The following C1orf141 variants were observed in gnomAD, a reference collection of about 807,000 sequenced individuals.
C1orf141 encodes the protein chromosome 1 open reading frame 141.
A neutral mutation model predicts 23.2 loss-of-function variants in C1orf141; 19 were observed. The ratio of observed to expected loss-of-function variants is 0.82; its 90% CI spans 0.57 to 1.20. C1orf141 has a LOEUF of 1.20. C1orf141 is among the 50% of genes most tolerant of loss of function. The pLI, the probability that C1orf141 is intolerant of heterozygous loss-of-function variation, is 0.00. For missense variants in C1orf141, 469 were observed against 455.1 expected (o/e 1.03, Z -0.28); for synonymous variants, 153 against 154.6 (o/e 0.99, Z 0.08).
At position 67,125,852 on chromosome 1, in the gene C1orf141, C is replaced by T; in HGVS notation, c.133G>A (p.Asp45Asn). The T allele has an allele frequency of 6.3e-7, 1 of 1,593,620 alleles. No homozygotes were observed. Among genetic ancestry groups the T allele is most frequent in the Non-Finnish European group, 8.5e-7 (1 of 1,170,118 alleles). ...GCTTCTTCAAATTCCAACTGAAAAT[C>T]AAATGTCAGGGGTATAGCCATAGTT... ...KTTMAIPLTF[D>N]FQLEFEEALA... The change falls in exon 4 of 8, where the codon GAT (aspartate) becomes AAT (asparagine). Residue 45 changes from aspartate (D) to asparagine (N), a missense_variant. This residue lies in a region of C1orf141 where 95 missense variants were observed against 90.3 expected (regional missense o/e 1.05). Transcript: ENST00000684719.
intron 1 of C1orf141, among the ~76,000 whole-genome samples, chr1:67,140,140 C>T (rs1203231357): frequency 6.6e-6 from 1 of 152,080 alleles, no homozygotes; most frequent in Admixed American, 6.6e-5. Context: ...TTATAAATTC[C>T]CCATTTTCAG....
chr1:67,123,178 G>T (rs11806634), intron 4 of C1orf141: 2 of 149,412 alleles, frequency 1.3e-5, no homozygotes, highest in Non-Finnish European at 3.0e-5. Flanking sequence ...ACTCCAGCCT[G>T]GGCGACAACA....
At chr1:67,134,369 G>A (rs1244979921) in intron 1 of C1orf141, among the ~76,000 whole-genome samples, 1 of 152,244 alleles carries the variant, frequency 6.6e-6, no homozygotes, top group Non-Finnish European at 1.5e-5. Flanking sequence ...GGATTGTGGA[G>A]TATTATTGTG....
chr1:67,135,906 CAA>C (rs59519661), upstream of C1orf141, among the ~76,000 whole-genome samples: 6 of 62,620 alleles, frequency 9.6e-5, no homozygotes, highest in African/African-American at 1.5e-4. Context: ...GGCAAAACTG[CAA>C]AAAAAAAAAA....
intron 4 of C1orf141, among the ~76,000 whole-genome samples, chr1:67,116,852 C>T (rs1339055229): frequency 2.0e-5 from 3 of 152,172 alleles, no homozygotes; most frequent in Admixed American, 2.0e-4. Context: ...CACATTTCCA[C>T]CTCTTCAGAA....
chr1:67,126,386 G>T (rs1646414001), intron 3 of C1orf141, among the ~76,000 whole-genome samples: 1 of 152,154 alleles, frequency 6.6e-6, no homozygotes. Context: ...TATACAAATG[G>T]ATTGAAGAAG....
intron 4 of C1orf141, chr1:67,122,959 C>G (rs919338265): frequency 6.6e-6 from 1 of 152,098 alleles, no homozygotes; most frequent in Non-Finnish European, 1.5e-5. Context: ...AATTCCAGCA[C>G]TTTGTCAGGC....
At chr1:67,114,112 C>G (rs966915932) in intron 5 of C1orf141, among the ~76,000 whole-genome samples, 15 of 152,100 alleles carry the variant, frequency 9.9e-5, no homozygotes, top group Middle Eastern at 3.4e-3. Flanking sequence ...CAGTTCCCTT[C>G]CCCCACACAC....
chr1:67,108,302 G>A (rs1211326913), intron 5 of C1orf141, among the ~76,000 whole-genome samples: 1 of 152,110 alleles, frequency 6.6e-6, no homozygotes, highest in Non-Finnish European at 1.5e-5. Context: ...TTATTGCTGT[G>A]TCCTCACATG....
chr1:67,104,199 TA>T (rs1553273885), intron 5 of C1orf141, among the ~76,000 whole-genome samples: 1 of 151,966 alleles, frequency 6.6e-6, no homozygotes, highest in Non-Finnish European at 1.5e-5. Context: ...AGGAAGAGTT[TA>T]AAAAGGGAGG....
rs1178375004 is a variant in C1orf141 at position 67,096,138 on chromosome 1, G to A, written c.416+114C>T. ...AGTCTTGGACCATTCATTGGATTGT[G>A]CTGTGGAACTAAATAATAAGGCAGA... On this transcript the variant is annotated intron_variant, in intron 6 of 7. Transcript: ENST00000684719. 2.4e-5 allele frequency: 15 copies of A among 624,228 alleles called. No homozygotes were observed. In the African/African-American group the frequency reaches 2.8e-4, roughly 12 times the overall value. 38.7% of individuals were successfully genotyped at this position (624,228 alleles called of 1,614,324 possible). A position where few individuals can be genotyped will look rare whatever the true frequency, so the allele number is the denominator to read the frequency against.
At chr1:67,136,746 C>T (rs1165747223), upstream of C1orf141, among the ~76,000 whole-genome samples, 1 of 152,060 alleles carries the variant, frequency 6.6e-6, no homozygotes, top group African/African-American at 2.4e-5. Context: ...TTAGAAAAGA[C>T]CTGACTGAAA....
At chr1:67,112,864 T>C (rs1022923135) in intron 5 of C1orf141, among the ~76,000 whole-genome samples, 4 of 152,194 alleles carry the variant, frequency 2.6e-5, no homozygotes, top group Non-Finnish European at 5.9e-5. Context: ...AACCAAAATA[T>C]GCAAATGAGC....
At position 67,093,239 on chromosome 1, in the gene C1orf141, G is replaced by T; in HGVS notation, c.969C>A (p.Ser323Arg). 1 of 1,613,846 alleles carries T rather than the reference G, an allele frequency of 6.2e-7. No individual in the cohort carries two copies. Residue 323 changes from serine to arginine, a missense_variant, in exon 8 of 8, where the codon AGC (serine) becomes AGA (arginine). Physicochemically the swap from Ser to Arg is moderately radical, Grantham distance 110. Coordinates refer to ENST00000684719, the MANE Select transcript of C1orf141 (RefSeq NM_001276351.2). The part of the protein sequence containing the change: ...TLYNFSQNFS[S>R]LTKQFVGYLD... ...GGTAACCCACAAATTGTTTTGTTAG[G>T]CTAGAAAAATTCTGTGAGAAATTAT...
chr1:67,119,319 G>T (rs1570717166), intron 4 of C1orf141, among the ~76,000 whole-genome samples: 6 of 152,246 alleles, frequency 3.9e-5, no homozygotes, highest in Admixed American at 3.9e-4. Context: ...CAAAGAACTT[G>T]GCTTAATTGT....
At position 67,093,284 on chromosome 1, in the gene C1orf141, G is replaced by C. The variant is rs751220763; in HGVS notation, c.924C>G (p.Asn308Lys). 7.4e-6 allele frequency: 12 copies of C among 1,613,702 alleles called. No individual in the cohort carries two copies. Among genetic ancestry groups the C allele is most frequent in the Non-Finnish European group, 9.3e-6 (11 of 1,179,704 alleles). The change falls in exon 8 of 8, where the codon AAC becomes AAG. Residue 308 changes from asparagine (N) to lysine (K), a missense_variant. Physicochemically the swap from Asn to Lys is moderately conservative, Grantham distance 94 (BLOSUM62 0). Coordinates refer to ENST00000684719, the MANE Select transcript of C1orf141 (RefSeq NM_001276351.2). Reference protein sequence around the residue: ...KKKTNKQTLENRSWNTLYNFS... With the variant: ...KKKTNKQTLEKRSWNTLYNFS... ...AATTATAGAGTGTATTCCAAGATCT[G>C]TTTTCTAGTGTCTGCTTATTAGTTT...
At chr1:67,137,111 T>A (rs1223625932), upstream of C1orf141, among the ~76,000 whole-genome samples, 1 of 152,142 alleles carries the variant, frequency 6.6e-6, no homozygotes, top group Non-Finnish European at 1.5e-5. Flanking sequence ...ACTACAAAGT[T>A]AGAAAGCACA....
At chr1:67,103,118 G>A (rs1465438772) in intron 5 of C1orf141, 8 of 502,054 alleles carry the variant, frequency 1.6e-5, no homozygotes, top group South Asian at 1.2e-4. Flanking sequence ...GAGAAAGATC[G>A]TTATGGTAGT....
chr1:67,105,613 GCT>G (rs1645907678), intron 5 of C1orf141, among the ~76,000 whole-genome samples: 1 of 151,822 alleles, frequency 6.6e-6, no homozygotes, highest in East Asian at 1.9e-4. Context: ...TAGACAAAAT[GCT>G]CTAGACAAAA....
Sources: gnomAD v4.1 joint callset for allele counts (sites outside exome capture counted in the v4.1 genomes callset) on GRCh38, gnomAD v4.1.1 for gene constraint, gnomAD v4.1.1 regional missense constraint, MANE v1.5 for transcripts, NCBI Gene and HGNC (gene_info 2026-07-23, HGNC 2026-07-21) for gene names.